CYB5B: variants seen among roughly 807,000 people sequenced by gnomAD.
CYB5B encodes cytochrome b5 type B.
A neutral mutation model predicts 21.3 loss-of-function variants in CYB5B; 14 were observed. The observed-to-expected ratio is 0.66, with a 90% confidence interval of 0.43 to 1.03. The LOEUF (loss-of-function observed/expected upper bound fraction) is 1.03, where lower values mean the gene tolerates loss of function less well. Among genes scored for constraint, CYB5B ranks in the 50% least tolerant of loss-of-function variants. CYB5B has a pLI of 0.00. For missense variants in CYB5B, 166 were observed against 185.1 expected, an observed-to-expected ratio of 0.90 and a Z score of 0.60; for synonymous variants, 69 against 68.4, an observed-to-expected ratio of 1.01 and a Z score of -0.04.
chr16:69,427,401 T>C (rs2014659255), intron 1 of CYB5B, among the ~76,000 whole-genome samples: 1 of 152,116 alleles, frequency 6.6e-6, no homozygotes, highest in South Asian at 2.1e-4. Flanking sequence ...TCTTTCTTTT[T>C]TTTTTTCCTC....
At chr16:69,439,902 T>C (rs1205452134) in intron 1 of CYB5B, among the ~76,000 whole-genome samples, 3 of 152,122 alleles carry the variant, frequency 2.0e-5, no homozygotes, top group Non-Finnish European at 4.4e-5. Context: ...AGGGTCTTGC[T>C]CTGTCACTCA....
At chr16:69,455,446 T>C (rs1038123607) in intron 3 of CYB5B, among the ~76,000 whole-genome samples, 1 of 149,722 alleles carries the variant, frequency 6.7e-6, no homozygotes, top group Non-Finnish European at 1.5e-5. Flanking sequence ...CTCACTCTTG[T>C]CACCAGGCTG....
chr16:69,444,537 C>G (rs1399288615), intron 1 of CYB5B, among the ~76,000 whole-genome samples: 2 of 152,194 alleles, frequency 1.3e-5, no homozygotes, highest in African/African-American at 4.8e-5. Flanking sequence ...GAGTTCTAAA[C>G]AGAAACCAAA....
chr16:69,426,024 C>G (rs2014641613), intron 1 of CYB5B, among the ~76,000 whole-genome samples: 2 of 152,118 alleles, frequency 1.3e-5, no homozygotes, highest in Admixed American at 1.3e-4. Context: ...TTTAATAAAT[C>G]TTAATAGTGA....
At chr16:69,429,923 A>G (rs1177687781) in intron 1 of CYB5B, among the ~76,000 whole-genome samples, 1 of 152,058 alleles carries the variant, frequency 6.6e-6, no homozygotes, top group African/African-American at 2.4e-5. Context: ...TTTTTGATTA[A>G]TGACTGGTTA....
chr16:69,427,669 G>A (rs544705312), intron 1 of CYB5B, among the ~76,000 whole-genome samples: 2 of 152,170 alleles, frequency 1.3e-5, no homozygotes, highest in African/African-American at 4.8e-5. Context: ...TGTGCACCAC[G>A]ACGCCTGGCT....
Position 69,459,134 on chromosome 16 carries a change from T to C in CYB5B, c.362+13T>C. ...ATACATGCAAAAGGTTAGTATCTCC[T>C]TAACAGCTTTCCATACGTTCAAGGT... On this transcript the variant is annotated intron_variant, in intron 4 of 4. Transcript: ENST00000307892. 2 of 1,606,496 alleles carry C rather than the reference T, an allele frequency of 1.2e-6. No individual in the cohort carries two copies. Among genetic ancestry groups the C allele is most frequent in the South Asian group, 2.3e-5 (2 of 88,730 alleles).
In CYB5B at chr16:69,424,924, G is replaced by A. The variant is rs1260573823; in HGVS notation, c.174+67G>A. 20 of 1,401,170 alleles carry A rather than the reference G, an allele frequency of 1.4e-5. No homozygotes were observed. The Middle Eastern group carries it at 1.1e-3, about 80-fold the overall frequency. The allele number at this position is 1,401,170 out of a possible 1,614,324, so 86.8% of individuals were successfully genotyped here. On this transcript the variant is annotated intron_variant, in intron 1 of 4. Coordinates refer to ENST00000307892, the MANE Select transcript of CYB5B (RefSeq NM_030579.3). ...GAGGGGTGAAAAGGCTGTGTGGAGTGTATGTGGGAAGGAAGGGAGGCTTGG... is the reference window on the plus strand; with the variant it reads ...GAGGGGTGAAAAGGCTGTGTGGAGTATATGTGGGAAGGAAGGGAGGCTTGG...
rs540956029 is a variant in CYB5B, at chr16:69,464,911, C to G, written c.*2391C>G. On this transcript the variant is annotated 3_prime_UTR_variant, in exon 5 of 5. Coordinates refer to ENST00000307892, the MANE Select transcript of CYB5B (RefSeq NM_030579.3). ...TGTATCTGGAAAATCACTTTGGGGT[C>G]CATTTACTGTTATTTTGTTGCCTAC... The G allele has an allele frequency of 6.5e-6, 1 of 152,692 alleles. No individual in the cohort carries two copies. Among genetic ancestry groups the G allele is most frequent in the South Asian group, 2.1e-4 (1 of 4,828 alleles). The allele number at this position is 152,692 out of a possible 1,614,324, so 9.5% of individuals were successfully genotyped here. A position where few individuals can be genotyped will look rare whatever the true frequency, so the allele number is the denominator to read the frequency against.
chr16:69,432,875 C>G (rs1370475810), intron 1 of CYB5B, among the ~76,000 whole-genome samples: 1 of 152,164 alleles, frequency 6.6e-6, no homozygotes, highest in Admixed American at 6.5e-5. Context: ...CAGCCCACTG[C>G]AACTTCCACC....
chr16:69,447,045 CATT>C, intron 1 of CYB5B, 102 bp from the exon 2 acceptor site: 1 of 1,341,126 alleles, frequency 7.5e-7, no homozygotes, highest in African/African-American at 1.4e-5. Flanking sequence ...CAATTTGTTC[CATT>C]ATTTCTATTA....
chr16:69,437,664 G>A (rs1390052500), intron 1 of CYB5B, among the ~76,000 whole-genome samples: 1 of 152,062 alleles, frequency 6.6e-6, no homozygotes. Flanking sequence ...TAATTCAGTG[G>A]CGTTAATTAC....
intron 2 of CYB5B, among the ~76,000 whole-genome samples, chr16:69,447,666 A>T (rs2014891508): frequency 6.8e-6 from 1 of 147,970 alleles, no homozygotes; most frequent in South Asian, 2.1e-4. Flanking sequence ...AAATTATTAA[A>T]ATGGAAATTC....
intron 1 of CYB5B, among the ~76,000 whole-genome samples, chr16:69,426,731 G>A (rs1277989194): frequency 2.7e-5 from 4 of 147,252 alleles, no homozygotes; most frequent in Admixed American, 2.7e-4. Context: ...AGTGGAGGGT[G>A]ACTTGGATAG....
rs190094714 is a variant in CYB5B at position 69,459,183 on chromosome 16, A to G, written c.362+62A>G. The G allele has an allele frequency of 2.2e-4, 347 of 1,574,136 alleles. 2 individuals are homozygous for G. The African/African-American group carries it at 4.1e-3, about 19-fold the overall frequency. On this transcript the variant is annotated intron_variant, in intron 4 of 4. Transcript: ENST00000307892. ...GTAATGTCTGGCAAGAGACTCTTCC[A>G]TAAGTATATGTATGTAACATAACTT...
At position 69,463,412 on chromosome 16, in the gene CYB5B, TTCTAA is replaced by T. The variant is rs1463264305; in HGVS notation, c.*893_*897del. 1 of 152,138 alleles carries T rather than the reference TTCTAA, an allele frequency of 6.6e-6. No homozygotes were observed. The highest frequency in any genetic ancestry group is 1.5e-5 in the Non-Finnish European group (1 of 68,024). The allele number at this position is 152,138 out of a possible 1,614,324, so 9.4% of individuals were successfully genotyped here. On this transcript the variant is annotated 3_prime_UTR_variant, in exon 5 of 5. Coordinates refer to ENST00000307892, the MANE Select transcript of CYB5B (RefSeq NM_030579.3). ...AATCTTTCTTTAGAAAACTGGTGTT[TTCTAA>T]AGAAACAGGATAGGAGTTTAGAGAA...
chr16:69,449,251 A>G (rs915232472), intron 3 of CYB5B: 1 of 152,196 alleles, frequency 6.6e-6, no homozygotes, highest in African/African-American at 2.4e-5. Flanking sequence ...TATTCTGTAA[A>G]AAGTTTCTTC....
rs376298315 is a variant in CYB5B at position 69,430,182 on chromosome 16, A to C, written c.174+5325A>C. 7.8e-4 allele frequency among the ~76,000 whole-genome samples: 119 copies of C among 152,206 alleles called. 4 individuals are homozygous for C. In the South Asian group the frequency reaches 0.023, roughly 29 times the overall value. ...AGTGCATCTCTCTTATCAAGGGTAA[A>C]ATTTTGTGAAACTTTGTTCAGTTAT... On this transcript the variant is annotated intron_variant, in intron 1 of 4. Coordinates refer to ENST00000307892, the MANE Select transcript of CYB5B (RefSeq NM_030579.3).
At chr16:69,436,643 T>C (rs760081774) in intron 1 of CYB5B, among the ~76,000 whole-genome samples, 3 of 152,222 alleles carry the variant, frequency 2.0e-5, no homozygotes, top group Non-Finnish European at 4.4e-5. Context: ...TTTGATGAGG[T>C]AATGTGTTTG....
Sources: gnomAD v4.1 joint callset for allele counts (sites outside exome capture counted in the v4.1 genomes callset) on GRCh38, gnomAD v4.1.1 for gene constraint, MANE v1.5 for transcripts, NCBI Gene and HGNC (gene_info 2026-07-23, HGNC 2026-07-21) for gene names.